SLCO2A1: variants seen among roughly 807,000 people sequenced by gnomAD.
SLCO2A1 encodes matrin F/G 1.
Under a neutral mutation model 71.7 loss-of-function variants are expected in SLCO2A1, and 60 were observed. The ratio of observed to expected loss-of-function variants is 0.84; its 90% CI spans 0.68 to 1.04. The LOEUF is 1.04. Ranked by LOEUF, SLCO2A1 falls within the 50% of genes least tolerant of loss-of-function variation. The probability of loss-of-function intolerance (pLI) is 0.00; values close to 1 mark genes in which losing one functional copy is unlikely to be tolerated. For missense variants in SLCO2A1, 745 were observed against 813.4 expected (o/e 0.92, Z 1.02); for synonymous variants, 308 against 326.7 (o/e 0.94, Z 0.62).
chr3:133,990,552 C>T (rs1327857177), intron 1 of SLCO2A1, among the ~76,000 whole-genome samples: 4 of 152,118 alleles, frequency 2.6e-5, no homozygotes, highest in Non-Finnish European at 4.4e-5. Flanking sequence ...TCATGAGTCC[C>T]GATACCACCT....
Position 133,948,537 on chromosome 3 carries a change from A to C in SLCO2A1, c.1104T>G (p.Ile368Met). 6.2e-7 allele frequency: 1 copy of C among 1,613,178 alleles called. No individual in the cohort carries two copies. Among genetic ancestry groups the C allele is most frequent in the African/African-American group, 1.3e-5 (1 of 75,022 alleles). ...TCCTGCAGCACCCTCTGGGCTCACC[A>C]ATGAGGAAGTTGGCATAGGCTGCTG... is the stretch of plus-strand genomic sequence containing the variant. ...GTSAAYANFLIGAVNLPAAAL... is the reference protein window; with the variant it reads ...GTSAAYANFLMGAVNLPAAAL... Residue 368 changes from isoleucine (I) to methionine (M), a missense_variant and splice_region_variant, in exon 8 of 14, where the codon ATT becomes ATG. Coordinates refer to ENST00000310926, the MANE Select transcript of SLCO2A1 (RefSeq NM_005630.3).
chr3:134,000,854 C>G (rs954423377), intron 1 of SLCO2A1, among the ~76,000 whole-genome samples: 1 of 152,224 alleles, frequency 6.6e-6, no homozygotes, highest in East Asian at 1.9e-4. Flanking sequence ...TTTGCTTCTG[C>G]TCCCTGAGAC....
At chr3:133,940,264 G>A (rs757044190) in intron 11 of SLCO2A1, among the ~76,000 whole-genome samples, 4 of 152,054 alleles carry the variant, frequency 2.6e-5, no homozygotes, top group African/African-American at 9.7e-5. Flanking sequence ...CACCACACCC[G>A]GCCTACAAAG....
intron 1 of SLCO2A1, among the ~76,000 whole-genome samples, chr3:134,006,480 C>T (rs1935218689): frequency 6.6e-6 from 1 of 152,180 alleles, no homozygotes; most frequent in Non-Finnish European, 1.5e-5. Flanking sequence ...TCCCCATTTC[C>T]CCTTACCCCT....
chr3:133,999,058 C>T (rs1431836477), intron 1 of SLCO2A1, among the ~76,000 whole-genome samples: 4 of 152,194 alleles, frequency 2.6e-5, no homozygotes, highest in Non-Finnish European at 4.4e-5. Context: ...GTTGGAACAC[C>T]GCCTCGCCAG....
chr3:134,001,780 C>A (rs1028005558), intron 1 of SLCO2A1, among the ~76,000 whole-genome samples: 1 of 152,148 alleles, frequency 6.6e-6, no homozygotes, highest in Non-Finnish European at 1.5e-5. Context: ...GAAACTGTTA[C>A]ATGCAGAGGT....
chr3:133,939,682 T>C (rs997333714), intron 11 of SLCO2A1, among the ~76,000 whole-genome samples: 3 of 152,162 alleles, frequency 2.0e-5, no homozygotes, highest in African/African-American at 4.8e-5. Flanking sequence ...CCTCCAGTGG[T>C]CCAGTTCATA....
At chr3:134,005,405 A>AT (rs1935185202) in intron 1 of SLCO2A1, among the ~76,000 whole-genome samples, 1 of 150,362 alleles carries the variant, frequency 6.7e-6, no homozygotes, top group Admixed American at 6.6e-5. Flanking sequence ...ATGTAACTAG[A>AT]TTTTATCTCT....
chr3:133,981,910 G>C (rs10049358), intron 1 of SLCO2A1, among the ~76,000 whole-genome samples: 49,114 of 150,132 alleles, frequency 0.33, 8,431 homozygotes, highest in Non-Finnish European at 0.39. Context: ...GGGAGGTGGA[G>C]GTTGCAGTGA....
At chr3:133,962,288 C>T (rs1934053981) in intron 3 of SLCO2A1, among the ~76,000 whole-genome samples, 1 of 152,122 alleles carries the variant, frequency 6.6e-6, no homozygotes, top group Non-Finnish European at 1.5e-5. Flanking sequence ...CCATGTTGGC[C>T]AGGCTGGTCT....
At chr3:133,965,497 T>C (rs1934142657) in intron 3 of SLCO2A1, among the ~76,000 whole-genome samples, 1 of 152,206 alleles carries the variant, frequency 6.6e-6, no homozygotes, top group African/African-American at 2.4e-5. Flanking sequence ...CTGGGAGGAT[T>C]GGACAGTCCA....
intron 1 of SLCO2A1, among the ~76,000 whole-genome samples, chr3:134,000,562 C>A (rs921494973): frequency 5.3e-4 from 81 of 152,130 alleles, no homozygotes; most frequent in African/African-American, 1.9e-3. Flanking sequence ...GAATAGATCA[C>A]TGGGTTTTAG....
chr3:134,013,900 C>T (rs542795201), intron 1 of SLCO2A1, among the ~76,000 whole-genome samples: 7 of 152,100 alleles, frequency 4.6e-5, no homozygotes, highest in Non-Finnish European at 7.4e-5. Flanking sequence ...TCTCCCCTCA[C>T]GCACCTTGTC....
intron 1 of SLCO2A1, among the ~76,000 whole-genome samples, chr3:134,022,162 A>T (rs1287396819): frequency 6.6e-6 from 1 of 152,104 alleles, no homozygotes; most frequent in Admixed American, 6.5e-5. Flanking sequence ...CTAGTTGTTT[A>T]AAGAAAGAAA....
intron 11 of SLCO2A1, chr3:133,942,265 G>T (rs559133867): frequency 1.7e-5 from 3 of 177,490 alleles, no homozygotes; most frequent in Non-Finnish European, 3.5e-5. Flanking sequence ...AAGTGCTGGG[G>T]TCACAGGCAC....
rs111928816 is a variant in SLCO2A1 at position 134,025,098 on chromosome 3, C to T, written c.96+4609G>A. Reference sequence around the variant, plus strand: ...GGAAGCTGACTGGTCCATGCACGGCCGAAGCATGAGAAAACTCATTGCGGG... The same window carrying T: ...GGAAGCTGACTGGTCCATGCACGGCTGAAGCATGAGAAAACTCATTGCGGG... On this transcript the variant is annotated intron_variant, in intron 1 of 13. Coordinates refer to ENST00000310926, the MANE Select transcript of SLCO2A1 (RefSeq NM_005630.3). Among the ~76,000 whole-genome samples the T allele has an allele frequency of 3.7e-3, 563 of 152,134 alleles. 5 individuals are homozygous for T. Among genetic ancestry groups the T allele is most frequent in the African/African-American group, 0.013 (527 of 41,500 alleles).
intron 8 of SLCO2A1, 92 bp from the exon 9 acceptor site, chr3:133,947,537 A>C: frequency 9.2e-7 from 1 of 1,087,348 alleles, no homozygotes; most frequent in East Asian, 2.6e-5. Context: ...AGAAGGAAGC[A>C]TGGCTTCAGG....
chr3:133,986,899 C>G (rs1033603333), intron 1 of SLCO2A1, among the ~76,000 whole-genome samples: 4 of 152,140 alleles, frequency 2.6e-5, no homozygotes, highest in African/African-American at 9.7e-5. Context: ...CTTTTCCAAA[C>G]TAAACATCGG....
chr3:134,011,259 T>C (rs1042146147), intron 1 of SLCO2A1, among the ~76,000 whole-genome samples: 22 of 152,298 alleles, frequency 1.4e-4, no homozygotes, highest in African/African-American at 4.8e-4. Flanking sequence ...CCATATTGGC[T>C]AGGCTGGTCT....
Sources: allele counts gnomAD v4.1 joint callset (sites outside exome capture counted in the v4.1 genomes callset), GRCh38; gene constraint gnomAD v4.1.1; transcripts MANE v1.5; gene names NCBI Gene and HGNC (gene_info 2026-07-23, HGNC 2026-07-21).